Variants in ZBBX observed in about 807,000 individuals in gnomAD.
ZBBX encodes the protein zinc finger B-box domain-containing protein 1.
In ZBBX, 101 loss-of-function variants were observed where a neutral mutation model predicts 108.5. The observed-to-expected ratio is 0.93, with a 90% CI of 0.79 to 1.10. The LOEUF (loss-of-function observed/expected upper bound fraction) is 1.10. Ranked by LOEUF, ZBBX falls within the 50% of genes least tolerant of loss-of-function variation. ZBBX has a pLI of 0.00. For missense variants in ZBBX, 1,009 were observed against 941.4 expected, an observed-to-expected ratio of 1.07 and a Z score of -0.94; for synonymous variants, 356 against 323.4, an observed-to-expected ratio of 1.10 and a Z score of -1.08.
At chr3:167,361,915 T>C (rs1744578030) in intron 6 of ZBBX, among the ~76,000 whole-genome samples, 1 of 152,160 alleles carries the variant, frequency 6.6e-6, no homozygotes, top group African/African-American at 2.4e-5. Flanking sequence ...AGGGAAATTG[T>C]ATAATTTGTT....
At chr3:167,348,261 G>GGGAGGGAAGGAAGGAAGGAA (rs1741870470) in intron 9 of ZBBX, among the ~76,000 whole-genome samples, 1 of 74,684 alleles carries the variant, frequency 1.3e-5, no homozygotes, top group African/African-American at 5.2e-5. Flanking sequence ...GAGGGTGGAA[G>GGGAGGGAAGGAAGGAAGGAA]GGAAGGAAGG....
intron 20 of ZBBX, among the ~76,000 whole-genome samples, chr3:167,268,678 T>C (rs1488426776): frequency 6.6e-6 from 1 of 152,142 alleles, no homozygotes; most frequent in East Asian, 1.9e-4. Context: ...AACTCCACTT[T>C]GTCACTAAGA....
At chr3:167,242,998 T>C (rs998433884) in intron 20 of ZBBX, among the ~76,000 whole-genome samples, 21 of 152,202 alleles carry the variant, frequency 1.4e-4, no homozygotes, top group African/African-American at 5.1e-4. Context: ...TTGTTATCTT[T>C]TTTCTTATAA....
intron 20 of ZBBX, among the ~76,000 whole-genome samples, chr3:167,247,326 T>C (rs1434374590): frequency 6.6e-6 from 1 of 152,124 alleles, no homozygotes; most frequent in East Asian, 1.9e-4. Flanking sequence ...CGGGTTGAGA[T>C]GGAGTTTGGC....
intron 6 of ZBBX, among the ~76,000 whole-genome samples, chr3:167,362,738 A>T (rs915713565): frequency 6.6e-6 from 1 of 152,024 alleles, no homozygotes; most frequent in Non-Finnish European, 1.5e-5. Flanking sequence ...TTCCTTTCAC[A>T]TACCAGGAAA....
chr3:167,304,799 A>G (rs2108223969), intron 17 of ZBBX, among the ~76,000 whole-genome samples: 1 of 152,076 alleles, frequency 6.6e-6, no homozygotes, highest in East Asian at 1.9e-4. Context: ...TTAATGACTG[A>G]TCAGACATTT....
chr3:167,328,201 T>A, intron 10 of ZBBX, 85 bp from the exon 11 acceptor site: 1 of 1,360,960 alleles, frequency 7.3e-7, no homozygotes, highest in Non-Finnish European at 1.0e-6. Context: ...ATTCTGTGTT[T>A]TAAAATACAG....
intron 15 of ZBBX, among the ~76,000 whole-genome samples, chr3:167,315,462 C>A (rs1366248749): frequency 1.3e-5 from 2 of 152,036 alleles, no homozygotes; most frequent in Non-Finnish European, 2.9e-5. Flanking sequence ...AGTTGATCAA[C>A]CATTTCAGAG....
intron 1 of ZBBX, among the ~76,000 whole-genome samples, chr3:167,403,313 C>A (rs1254576269): frequency 6.6e-6 from 1 of 152,076 alleles, no homozygotes; most frequent in Non-Finnish European, 1.5e-5. Context: ...ATCCTACATC[C>A]AGCAAAAATC....
At chr3:167,248,959 T>C (rs1576769338) in intron 20 of ZBBX, among the ~76,000 whole-genome samples, 1 of 152,194 alleles carries the variant, frequency 6.6e-6, no homozygotes, top group Admixed American at 6.5e-5. Context: ...AAGGAGGACA[T>C]TCATTTTCTG....
At chr3:167,261,399 T>C (rs575415761) in intron 20 of ZBBX, among the ~76,000 whole-genome samples, 7 of 151,200 alleles carry the variant, frequency 4.6e-5, no homozygotes, top group Non-Finnish European at 1.0e-4. Context: ...CACCCAAGAT[T>C]ATATGCCATT....
At chr3:167,355,116 C>T (rs1743320229) in intron 8 of ZBBX, among the ~76,000 whole-genome samples, 1 of 151,930 alleles carries the variant, frequency 6.6e-6, no homozygotes, top group South Asian at 2.1e-4. Flanking sequence ...ATCAGTTGTG[C>T]TAAGCTTCAG....
In ZBBX at chr3:167,362,492, C is replaced by T. The variant is rs148945325; in HGVS notation, c.274-1769G>A. 3.9e-5 allele frequency among the ~76,000 whole-genome samples: 6 copies of T among 152,282 alleles called. No homozygotes were observed. The East Asian group carries it at 9.7e-4, about 25-fold the overall frequency. On this transcript the variant is annotated intron_variant, in intron 6 of 21. Coordinates refer to ENST00000675490, the MANE Select transcript of ZBBX (RefSeq NM_001199201.2). ...ACTTCTCCTACAGTCATCTTTCAGA[C>T]GTTCTCACTGTCAACCCAGTTAGCT...
chr3:167,328,016 T>A lies in ZBBX; in HGVS notation c.788A>T (p.Gln263Leu), dbSNP rs1737724808. 1 of 1,613,618 alleles carries A rather than the reference T, an allele frequency of 6.2e-7. No homozygotes were observed. The highest frequency in any genetic ancestry group is 8.5e-7 in the Non-Finnish European group (1 of 1,179,894). ...GGTTCTCCATTGACTTAACACTTCC[T>A]GAAAGGACTGTGCAGAAGCTTCTTC... ...FDEEASAQSF[Q>L]EVLSQWRTGN... The change falls in exon 11 of 22, where the codon CAG (glutamine) becomes CTG (leucine). Residue 263 changes from glutamine (Q) to leucine (L), a missense_variant. Transcript: ENST00000675490.
chr3:167,316,199 T>A (rs926617615), intron 14 of ZBBX, among the ~76,000 whole-genome samples: 4 of 152,094 alleles, frequency 2.6e-5, no homozygotes, highest in Non-Finnish European at 5.9e-5. Context: ...GTATGTAGTG[T>A]GTGTGTTTTT....
chr3:167,284,583 G>T (rs891947121), intron 19 of ZBBX, among the ~76,000 whole-genome samples: 5 of 152,128 alleles, frequency 3.3e-5, no homozygotes, highest in Non-Finnish European at 7.4e-5. Context: ...TAATGTAGAT[G>T]CCCTTCAGAA....
Position 167,319,042 on chromosome 3 carries a change from G to A in ZBBX, c.984-1445C>T, listed in dbSNP as rs145304256. 1.7e-3 allele frequency among the ~76,000 whole-genome samples: 252 copies of A among 151,966 alleles called. 1 individual carries two copies. Among genetic ancestry groups the A allele is most frequent in the African/African-American group, 4.8e-3 (200 of 41,510 alleles). ...GTACAGTCAATTTAGAAAAGAGTTT[G>A]GCAGTTTCTTATAAAAATAAACATG... On this transcript the variant is annotated intron_variant, in intron 12 of 21. Transcript: ENST00000675490.
At chr3:167,218,184 A>T in the ZBBX span, among the ~76,000 whole-genome samples, 1 of 152,182 alleles carries the variant, frequency 6.6e-6, no homozygotes, top group African/African-American at 2.4e-5. Flanking sequence ...GTGATGTAAT[A>T]ATATGTACAA....
chr3:167,291,154 C>T (rs995013324), intron 18 of ZBBX, among the ~76,000 whole-genome samples: 3 of 152,060 alleles, frequency 2.0e-5, no homozygotes, highest in Non-Finnish European at 4.4e-5. Context: ...TCCAAGAGAA[C>T]TTCCCCAACC....
Sources: gnomAD v4.1 joint callset for allele counts (sites outside exome capture counted in the v4.1 genomes callset) on GRCh38, gnomAD v4.1.1 for gene constraint, MANE v1.5 for transcripts, NCBI Gene and HGNC (gene_info 2026-07-23, HGNC 2026-07-21) for gene names.